The following PRKCZ variants were observed in gnomAD, a reference collection of about 807,000 sequenced individuals.
PRKCZ encodes protein kinase C zeta type.
A neutral mutation model predicts 79.5 loss-of-function variants in PRKCZ; 33 were observed. The ratio of observed to expected loss-of-function variants is 0.41; its 90% CI spans 0.31 to 0.55. The LOEUF (loss-of-function observed/expected upper bound fraction) is 0.55. Ranked by LOEUF, PRKCZ falls within the 20% of genes least tolerant of loss-of-function variation. PRKCZ has a pLI of 0.19. For missense variants in PRKCZ, 578 were observed against 813.5 expected, an observed-to-expected ratio of 0.71 and a Z score of 3.52; for synonymous variants, 342 against 320.9, an observed-to-expected ratio of 1.07 and a Z score of -0.70.
At chr1:2,078,535 A>C (rs1439435690) in intron 4 of PRKCZ, among the ~76,000 whole-genome samples, 1 of 152,032 alleles carries the variant, frequency 6.6e-6, no homozygotes, top group East Asian at 1.9e-4. Flanking sequence ...TGTCGTGGAA[A>C]CTTCTTTGTC....
intron 6 of PRKCZ, 95 bp downstream of exon 6, chr1:2,144,436 TC>T (rs1411344166): frequency 2.2e-5 from 33 of 1,503,682 alleles, no homozygotes; most frequent in Non-Finnish European, 1.7e-5. Flanking sequence ...GACCCTGGGT[TC>T]TTCAAGAGGG....
chr1:2,113,117 G>A (rs966874806), intron 4 of PRKCZ, among the ~76,000 whole-genome samples: 3 of 152,400 alleles, frequency 2.0e-5, no homozygotes, highest in Non-Finnish European at 4.4e-5. Context: ...CTGCTCTGGA[G>A]CCGGGCACTG....
Position 2,083,926 on chromosome 1 carries a change from CGT to C in PRKCZ, c.334+24340_334+24341del, listed in dbSNP as rs550614693. On this transcript the variant is annotated intron_variant, in intron 4 of 17. Transcript: ENST00000378567. ...CGCTCGAATAGGTTTCTTACGCGTG[CGT>C]GTGTTTTAAAAATCGTATGTTGGCC... Among the ~76,000 whole-genome samples, 3 of 152,272 alleles carry C rather than the reference CGT, an allele frequency of 2.0e-5. No homozygotes were observed. In the East Asian group the frequency reaches 5.8e-4, roughly 29 times the overall value.
chr1:2,074,621 G>A (rs1334727639), intron 4 of PRKCZ: 11 of 434,736 alleles, frequency 2.5e-5, no homozygotes, highest in Non-Finnish European at 4.6e-5. Context: ...CCGCCTGTCT[G>A]AGCCCCCGTT....
chr1:2,135,129 A>AGTG, intron 4 of PRKCZ, 133 bp from the exon 5 acceptor site: 1 of 694,664 alleles, frequency 1.4e-6, no homozygotes, highest in Admixed American at 2.9e-5. Context: ...CCGTCATTCC[A>AGTG]GCCCTGCCTT....
At chr1:2,129,186 G>A (rs1571665716) in intron 4 of PRKCZ, among the ~76,000 whole-genome samples, 1 of 152,164 alleles carries the variant, frequency 6.6e-6, no homozygotes, top group Non-Finnish European at 1.5e-5. Context: ...GGTTTGGGGG[G>A]TTTTTGTGGT....
intron 4 of PRKCZ, among the ~76,000 whole-genome samples, chr1:2,131,725 G>A (rs2222217): frequency 0.67 from 101,380 of 152,196 alleles, 34,663 homozygotes; most frequent in African/African-American, 0.83. Context: ...CTAGCCTGAA[G>A]TTGGATTGGT....
intron 16 of PRKCZ, among the ~76,000 whole-genome samples, chr1:2,176,053 T>A (rs1256857724): frequency 6.6e-6 from 1 of 151,342 alleles, no homozygotes; most frequent in African/African-American, 2.4e-5. Context: ...TGAAGGAGAG[T>A]GAGTCTGTGG....
intron 4 of PRKCZ, among the ~76,000 whole-genome samples, chr1:2,110,488 C>A (rs1351105336): frequency 3.3e-5 from 5 of 152,208 alleles, no homozygotes; most frequent in African/African-American, 9.6e-5. Context: ...CCTCTGGTAC[C>A]AGGGTCCCCT....
At chr1:2,145,362 G>A (rs1678284660) in intron 6 of PRKCZ, 2 of 152,292 alleles carry the variant, frequency 1.3e-5, no homozygotes, top group South Asian at 2.1e-4. Context: ...CCCTTAGAAT[G>A]GCCCCCTGAT....
intron 4 of PRKCZ, among the ~76,000 whole-genome samples, chr1:2,118,633 G>A (rs759191899): frequency 2.6e-5 from 4 of 151,968 alleles, no homozygotes; most frequent in Non-Finnish European, 5.9e-5. Context: ...CACTGTGCCC[G>A]GCCAAATGTT....
chr1:2,059,150 T>C, intron 3 of PRKCZ, among the ~76,000 whole-genome samples: 1 of 152,234 alleles, frequency 6.6e-6, no homozygotes, highest in East Asian at 1.9e-4. Context: ...AAGCCCAGGA[T>C]ATATGTTAAA....
At chr1:2,118,746 TGTGTGTGTGA>T (rs1210974751) in intron 4 of PRKCZ, among the ~76,000 whole-genome samples, 128 of 147,534 alleles carry the variant, frequency 8.7e-4, no homozygotes, top group African/African-American at 2.2e-3. Context: ...TGTGTGTGTG[TGTGTGTGTGA>T]GATGAGGGGA....
chr1:2,121,579 T>G (rs75208339), intron 4 of PRKCZ, among the ~76,000 whole-genome samples: 2 of 69,506 alleles, frequency 2.9e-5, no homozygotes, highest in African/African-American at 1.0e-4. Context: ...GTTAGGGTGA[T>G]GGTGGTAGTT....
rs1367369917 is a variant in PRKCZ at position 2,173,212 on chromosome 1, A to T, written c.1286-685A>T. On this transcript the variant is annotated intron_variant, in intron 13 of 17. Coordinates refer to ENST00000378567, the MANE Select transcript of PRKCZ (RefSeq NM_002744.6). This position sits in a 1 kb window ranked among gnomAD's most constrained non-coding sequence, Gnocchi z 5.7. ...GTGGGGCAGGCAGGGCGGGCAGGTC[A>T]CTCGCCGCTGGGATAACTGGGCTCC... Among the ~76,000 whole-genome samples, 2 of 152,060 alleles carry T rather than the reference A, an allele frequency of 1.3e-5. No individual in the cohort carries two copies. The highest frequency in any genetic ancestry group is 4.8e-5 in the African/African-American group (2 of 41,398).
intron 4 of PRKCZ, among the ~76,000 whole-genome samples, chr1:2,080,765 A>G (rs1172785649): frequency 6.6e-6 from 1 of 151,980 alleles, no homozygotes; most frequent in African/African-American, 2.4e-5. Context: ...CCAGGGCCCC[A>G]CGTGGCACTT....
At chr1:2,152,786 T>C (rs935533067) in intron 9 of PRKCZ, among the ~76,000 whole-genome samples, 4 of 152,332 alleles carry the variant, frequency 2.6e-5, no homozygotes, top group African/African-American at 7.2e-5. Context: ...GTCTGGCTTC[T>C]CCAGTGTCCG....
chr1:2,143,081 T>C (rs1251832332), intron 5 of PRKCZ: 1 of 144,556 alleles, frequency 6.9e-6, no homozygotes. Context: ...CAGGCTGGAG[T>C]GCAGTGACGC....
intron 16 of PRKCZ, 58 bp downstream of exon 16, chr1:2,175,371 C>A: frequency 7.1e-7 from 1 of 1,414,140 alleles, no homozygotes; most frequent in Non-Finnish European, 9.7e-7. Context: ...CAAATCTACC[C>A]AACCCCCATC....
Sources: gnomAD v4.1 joint callset for allele counts (sites outside exome capture counted in the v4.1 genomes callset) on GRCh38, gnomAD v4.1.1 for gene constraint, Gnocchi (gnomAD v3.1) non-coding constraint, MANE v1.5 for transcripts, NCBI Gene and HGNC (gene_info 2026-07-23, HGNC 2026-07-21) for gene names.